The following ALMS1 variants were observed in gnomAD, a reference collection of about 807,000 sequenced individuals.
The protein encoded by ALMS1 is centrosome-associated protein ALMS1.
Under a neutral mutation model 352.2 loss-of-function variants are expected in ALMS1, and 271 were observed. That is an observed-to-expected ratio of 0.77 (90% CI 0.70 to 0.85). The LOEUF (loss-of-function observed/expected upper bound fraction) is 0.85. Ranked by LOEUF, ALMS1 falls within the 40% of genes least tolerant of loss-of-function variation. The pLI, the probability that ALMS1 is intolerant of heterozygous loss-of-function variation, is 0.00. For synonymous variants in ALMS1, 1,865 were observed against 1,761.2 expected (o/e 1.06, Z -1.48); for missense variants, 5,445 against 4,870.7 (o/e 1.12, Z -3.51).
intron 11 of ALMS1, among the ~76,000 whole-genome samples, chr2:73,520,660 G>A (rs1673657489): frequency 6.6e-6 from 1 of 152,124 alleles, no homozygotes; most frequent in Non-Finnish European, 1.5e-5. Context: ...ACTTTCCACT[G>A]GCCAGGAATG....
At chr2:73,498,551 T>G (rs1673156358) in intron 10 of ALMS1, among the ~76,000 whole-genome samples, 1 of 151,836 alleles carries the variant, frequency 6.6e-6, no homozygotes, top group South Asian at 2.1e-4. Context: ...CATCCCCATC[T>G]CTCCCCAAAC....
rs540007600 is a variant in ALMS1, at chr2:73,593,098, A to T, written c.11548-6303A>T. On this transcript the variant is annotated intron_variant, in intron 16 of 22. Coordinates refer to ENST00000613296, the MANE Select transcript of ALMS1 (RefSeq NM_001378454.1). The stretch of plus-strand genomic sequence containing the variant: ...GCTACTCCACACCCAAGCCTGAGGG[A>T]TGAGGAGATCATTAGAGATGCGTGG... Among the ~76,000 whole-genome samples, 59 of 48,254 alleles carry T rather than the reference A, an allele frequency of 1.2e-3. 1 individual carries two copies. The highest frequency in any genetic ancestry group is 2.3e-3 in the Non-Finnish European group (53 of 22,740). The allele number at this position is 48,254 out of a possible 152,430, so 31.7% of individuals were successfully genotyped here.
chr2:73,453,329 G>C lies in ALMS1; in HGVS notation c.6802G>C (p.Glu2268Gln). ...TLKEIRTLLM[E>Q]AENMALKRCN... Reference sequence around the variant, plus strand: ...TAAGGAAATTCGGACACTTTTGATGGAGGCAGAAAATATGGCACTGAAACG... The same window carrying C: ...TAAGGAAATTCGGACACTTTTGATGCAGGCAGAAAATATGGCACTGAAACG... Residue 2268 changes from glutamate (E) to glutamine (Q), a missense_variant, in exon 8 of 23, where the codon GAG becomes CAG. Glu to Gln is a conservative substitution (Grantham distance 29, BLOSUM62 2). Coordinates refer to ENST00000613296, the MANE Select transcript of ALMS1 (RefSeq NM_001378454.1). 1 of 1,613,898 alleles carries C rather than the reference G, an allele frequency of 6.2e-7. No individual in the cohort carries two copies. Among genetic ancestry groups the C allele is most frequent in the Non-Finnish European group, 8.5e-7 (1 of 1,179,980 alleles).
intron 9 of ALMS1, among the ~76,000 whole-genome samples, chr2:73,484,348 G>T (rs1310008299): frequency 6.6e-6 from 1 of 150,608 alleles, no homozygotes; most frequent in Non-Finnish European, 1.5e-5. Context: ...AGTTTGGCTG[G>T]ATATGAAATT....
chr2:73,557,599 CAAATT>C (rs540201457), intron 14 of ALMS1, among the ~76,000 whole-genome samples: 114 of 152,180 alleles, frequency 7.5e-4, no homozygotes, highest in Admixed American at 2.4e-3. Flanking sequence ...ATATAGTAAA[CAAATT>C]AATCTAATTT....
chr2:73,606,538 G>A (rs971061874), intron 21 of ALMS1, among the ~76,000 whole-genome samples: 6 of 152,170 alleles, frequency 3.9e-5, no homozygotes, highest in Non-Finnish European at 8.8e-5. Context: ...ATATATGAGT[G>A]GATTTAGTGC....
chr2:73,606,387 A>C (rs1004847523), intron 21 of ALMS1, among the ~76,000 whole-genome samples: 1 of 152,198 alleles, frequency 6.6e-6, no homozygotes, highest in African/African-American at 2.4e-5. Flanking sequence ...AATTAGGGGA[A>C]ATCATACAGG....
At chr2:73,541,203 T>C (rs949658936) in intron 12 of ALMS1, among the ~76,000 whole-genome samples, 4 of 152,124 alleles carry the variant, frequency 2.6e-5, no homozygotes, top group Non-Finnish European at 5.9e-5. Flanking sequence ...AAACTAGAAC[T>C]CAGGATTAAG....
chr2:73,474,403 G>GTCTGTGTC (rs111559461), intron 9 of ALMS1, among the ~76,000 whole-genome samples: 1 of 99,268 alleles, frequency 1.0e-5, no homozygotes, highest in African/African-American at 3.4e-5. Flanking sequence ...GTGTGTGTGT[G>GTCTGTGTC]TGTGTGTCTA....
chr2:73,490,676 C>T lies in ALMS1; in HGVS notation c.8717C>T (p.Pro2906Leu). 6.2e-7 allele frequency: 1 copy of T among 1,614,092 alleles called. No individual in the cohort carries two copies. Among genetic ancestry groups the T allele is most frequent in the South Asian group, 1.1e-5 (1 of 91,072 alleles). The change falls in exon 10 of 23, where the codon CCC (proline) becomes CTC (leucine). Residue 2906 changes from proline (P) to leucine (L), a missense_variant. Pro to Leu is a moderately conservative substitution (Grantham distance 98). Transcript: ENST00000613296. ...GACCATGTGAGGAAACACCATTCTC[C>T]CTCTCCTCAACATCAGGATTATGTA... Reference protein sequence around the residue: ...ADDHVRKHHSPSPQHQDYVAP... With the variant: ...ADDHVRKHHSLSPQHQDYVAP...
intron 10 of ALMS1, among the ~76,000 whole-genome samples, chr2:73,515,084 A>G (rs1337733466): frequency 6.6e-6 from 1 of 152,136 alleles, no homozygotes; most frequent in Non-Finnish European, 1.5e-5. Flanking sequence ...ATTGGATTAT[A>G]TGACTGTGCC....
In ALMS1 at chr2:73,572,953, T is replaced by TA. The variant is rs1412574975; in HGVS notation, c.11083dup (p.Ser3695LysfsTer13). The TA allele has an allele frequency of 6.2e-7, 1 of 1,613,896 alleles. No individual in the cohort carries two copies. The highest frequency in any genetic ancestry group is 1.3e-5 in the African/African-American group (1 of 74,884). ...AAAGCCATAAAAATACAGGCGAGCT[T>TA]AAAAAAAGCAAGGTGCTTTCTCATC... On this transcript the variant is annotated frameshift_variant, in exon 16 of 23. Coordinates refer to ENST00000613296, the MANE Select transcript of ALMS1 (RefSeq NM_001378454.1). LOFTEE classifies it high-confidence loss of function.
At chr2:73,425,410 A>G (rs1671360134) in intron 5 of ALMS1, among the ~76,000 whole-genome samples, 1 of 152,214 alleles carries the variant, frequency 6.6e-6, no homozygotes, top group Non-Finnish European at 1.5e-5. Context: ...AAAGTTTCAG[A>G]AGCACATGTA....
intron 7 of ALMS1, among the ~76,000 whole-genome samples, chr2:73,438,436 A>G (rs1373960083): frequency 6.6e-6 from 1 of 152,214 alleles, no homozygotes; most frequent in Non-Finnish European, 1.5e-5. Context: ...ATTGGAAACA[A>G]GTTTGGATCT....
At chr2:73,488,235 C>T (rs1672897612) in intron 9 of ALMS1, among the ~76,000 whole-genome samples, 1 of 152,228 alleles carries the variant, frequency 6.6e-6, no homozygotes, top group South Asian at 2.1e-4. Flanking sequence ...CCTCAGCCCT[C>T]CCTGCCCCTG....
chr2:73,414,483 T>TTTGG (rs1558635502), intron 2 of ALMS1, among the ~76,000 whole-genome samples: 2 of 89,850 alleles, frequency 2.2e-5, no homozygotes, highest in Non-Finnish European at 2.7e-5. Context: ...GTTTTTTTTT[T>TTTGG]TTTTTGTTTT....
Position 73,490,535 on chromosome 2 carries a change from C to A in ALMS1, c.8576C>A (p.Ser2859Ter), listed in dbSNP as rs538382027. The A allele has an allele frequency of 3.7e-6, 6 of 1,614,108 alleles. No individual in the cohort carries two copies. Residue 2859 changes from serine (S) to a stop codon, truncating the protein, a stop_gained, in exon 10 of 23, where the codon TCG becomes TAG. Transcript: ENST00000613296. LOFTEE classifies it high-confidence loss of function. The part of the protein sequence containing the change: ...RPSSTLGVNR[S>*]SSRLGVKEKN... ...AGTTCCACCCTAGGAGTAAACAGAT[C>A]GAGTTCCAGACTAGGAGTAAAAGAG...
At chr2:73,514,893 T>G (rs1007532905) in intron 10 of ALMS1, among the ~76,000 whole-genome samples, 14 of 152,198 alleles carry the variant, frequency 9.2e-5, no homozygotes, top group African/African-American at 3.1e-4. Flanking sequence ...CACCTTTGAT[T>G]TTCAGCAGTT....
chr2:73,401,925 T>C (rs957359248), intron 1 of ALMS1, among the ~76,000 whole-genome samples: 2 of 152,160 alleles, frequency 1.3e-5, no homozygotes, highest in African/African-American at 2.4e-5. Flanking sequence ...TGCAGTATTT[T>C]TCTATCTTCC....
Sources: allele counts gnomAD v4.1 joint callset (sites outside exome capture counted in the v4.1 genomes callset), GRCh38; gene constraint gnomAD v4.1.1; transcripts MANE v1.5; gene names NCBI Gene and HGNC (gene_info 2026-07-23, HGNC 2026-07-21).